WDR7: variants seen among roughly 807,000 people sequenced by gnomAD.
The protein encoded by WDR7 is WD repeat domain 7.
WDR7 carries 46 observed loss-of-function variants against 169.4 expected under a neutral mutation model. The observed-to-expected ratio is 0.27, with a 90% CI of 0.21 to 0.35. The LOEUF (loss-of-function observed/expected upper bound fraction) is 0.35. Among genes scored for constraint, WDR7 ranks in the 10% least tolerant of loss-of-function variants. The pLI, the probability that WDR7 is intolerant of heterozygous loss-of-function variation, is 1.00. For missense variants in WDR7, 1,534 were observed against 1,859.3 expected (o/e 0.83, Z 3.22); for synonymous variants, 612 against 666.8 (o/e 0.92, Z 1.27).
intron 26 of WDR7, among the ~76,000 whole-genome samples, chr18:56,982,061 C>G (rs1039690436): frequency 2.6e-5 from 4 of 152,058 alleles, no homozygotes; most frequent in East Asian, 1.9e-4. Flanking sequence ...TATTCTGAAC[C>G]GTTTTAATAT....
At chr18:56,913,052 T>A (rs1362378765) in intron 21 of WDR7, among the ~76,000 whole-genome samples, 2 of 151,992 alleles carry the variant, frequency 1.3e-5, no homozygotes, top group Non-Finnish European at 2.9e-5. Context: ...TCAAGAATTT[T>A]TTGTAGAGAC....
At chr18:56,882,894 A>T (rs539128621) in intron 21 of WDR7, among the ~76,000 whole-genome samples, 3 of 152,172 alleles carry the variant, frequency 2.0e-5, no homozygotes, top group Non-Finnish European at 4.4e-5. Flanking sequence ...TTTCATTTAG[A>T]ATTTTTCCAT....
At chr18:56,967,953 T>G (rs2047434474) in intron 26 of WDR7, among the ~76,000 whole-genome samples, 1 of 152,238 alleles carries the variant, frequency 6.6e-6, no homozygotes, top group Non-Finnish European at 1.5e-5. Context: ...TAAATGCAGA[T>G]GCAGCCATCC....
Position 56,681,346 on chromosome 18 carries a change from A to T in WDR7, c.300A>T (p.Arg100Ser). The T allele has an allele frequency of 1.3e-6, 2 of 1,595,570 alleles. No homozygotes were observed. Among genetic ancestry groups the T allele is most frequent in the African/African-American group, 1.4e-5 (1 of 73,846 alleles). ...EMCLWDVSDGRCIEFTKLACT... is the reference protein window; with the variant it reads ...EMCLWDVSDGSCIEFTKLACT... Reference sequence around the variant, plus strand: ...GCCTCTGGGATGTGAGTGATGGCAGATGTATTGAATTTACAAAATTAGCTT... The same window carrying T: ...GCCTCTGGGATGTGAGTGATGGCAGTTGTATTGAATTTACAAAATTAGCTT... Residue 100 changes from arginine (R) to serine (S), a missense_variant, in exon 4 of 28, where the codon AGA (arginine) becomes AGT (serine). Coordinates refer to ENST00000254442, the MANE Select transcript of WDR7 (RefSeq NM_015285.3).
At chr18:56,759,886 A>G (rs2043955931) in intron 16 of WDR7, among the ~76,000 whole-genome samples, 1 of 152,088 alleles carries the variant, frequency 6.6e-6, no homozygotes, top group African/African-American at 2.4e-5. Context: ...TTAGCTGATT[A>G]TTTGAGACTT....
chr18:56,930,209 T>A (rs1245768530), intron 22 of WDR7, among the ~76,000 whole-genome samples: 3 of 152,220 alleles, frequency 2.0e-5, no homozygotes, highest in Non-Finnish European at 4.4e-5. Flanking sequence ...CATGCTTTGA[T>A]GACACACAGA....
intron 20 of WDR7, among the ~76,000 whole-genome samples, chr18:56,828,533 A>T (rs888719381): frequency 5.9e-5 from 9 of 152,238 alleles, no homozygotes; most frequent in Non-Finnish European, 1.2e-4. Flanking sequence ...GACAAGACGG[A>T]TATGGTCCAT....
At chr18:56,997,276 G>C (rs1381674361) in intron 26 of WDR7, among the ~76,000 whole-genome samples, 1 of 152,112 alleles carries the variant, frequency 6.6e-6, no homozygotes, top group Non-Finnish European at 1.5e-5. Context: ...GGCAGATATA[G>C]AAAAAAATAA....
At chr18:56,752,686 T>G (rs1447336620) in intron 14 of WDR7, among the ~76,000 whole-genome samples, 1 of 152,224 alleles carries the variant, frequency 6.6e-6, no homozygotes, top group African/African-American at 2.4e-5. Context: ...TAGTGCAAAT[T>G]TATCACATTA....
chr18:56,750,276 A>G (rs960502712), intron 14 of WDR7, among the ~76,000 whole-genome samples: 5 of 152,178 alleles, frequency 3.3e-5, no homozygotes. Context: ...ATCTGTATTT[A>G]AAGTTACAAC....
At chr18:56,684,831 G>GT (rs2025414033) in intron 5 of WDR7, among the ~76,000 whole-genome samples, 1 of 152,180 alleles carries the variant, frequency 6.6e-6, no homozygotes. Flanking sequence ...TCTCAGAGAG[G>GT]TTTTTTATGC....
At chr18:56,802,382 G>A (rs559164864) in intron 19 of WDR7, among the ~76,000 whole-genome samples, 14 of 151,566 alleles carry the variant, frequency 9.2e-5, no homozygotes, top group African/African-American at 3.1e-4. Flanking sequence ...TGGTTTTTGA[G>A]AGTCTCCCTC....
chr18:56,880,116 A>T lies in WDR7; in HGVS notation c.3477A>T (p.Gly1159=). The stretch of plus-strand genomic sequence containing the variant: ...GAAGCTCTAGCCAAATTCCTGAGGG[A>T]TTCGGGTTGACTAGTGGTGGATCCA... ...RPRSSSQIPE[G]FGLTSGGSNY... is the part of the protein sequence containing the mutation. The change falls in exon 21 of 28, where the codon GGA becomes GGT. Residue 1159 remains glycine (G), a synonymous_variant. Coordinates refer to ENST00000254442, the MANE Select transcript of WDR7 (RefSeq NM_015285.3). 4 of 1,614,074 alleles carry T rather than the reference A, an allele frequency of 2.5e-6. No individual in the cohort carries two copies. Among genetic ancestry groups the T allele is most frequent in the Non-Finnish European group, 3.4e-6 (4 of 1,179,964 alleles).
At chr18:56,685,413 G>A (rs1184475187) in intron 5 of WDR7, among the ~76,000 whole-genome samples, 3 of 152,152 alleles carry the variant, frequency 2.0e-5, no homozygotes, top group Admixed American at 2.0e-4. Context: ...GCTTTCCAAT[G>A]CTCATCCTCT....
chr18:56,877,262 GA>G (rs1235524338), intron 20 of WDR7, among the ~76,000 whole-genome samples: 10 of 151,988 alleles, frequency 6.6e-5, no homozygotes, highest in Non-Finnish European at 7.4e-5. Flanking sequence ...TAATCTGCCA[GA>G]AATGACTCAA....
intron 19 of WDR7, among the ~76,000 whole-genome samples, chr18:56,784,174 A>G (rs1472560114): frequency 6.6e-6 from 1 of 152,218 alleles, no homozygotes; most frequent in Non-Finnish European, 1.5e-5. Context: ...AGGAGAGATT[A>G]AAGAATTTTC....
chr18:56,744,324 G>A (rs1405192826), intron 14 of WDR7, among the ~76,000 whole-genome samples: 1 of 151,598 alleles, frequency 6.6e-6, no homozygotes. Context: ...GATAGTGGAT[G>A]GGGATTGAGG....
chr18:56,967,588 A>G (rs1007982092), intron 26 of WDR7, among the ~76,000 whole-genome samples: 1 of 151,458 alleles, frequency 6.6e-6, no homozygotes, highest in Non-Finnish European at 1.5e-5. Flanking sequence ...ACTTGATATC[A>G]TATCTCACTG....
At chr18:56,862,917 C>T (rs1448307539) in intron 20 of WDR7, among the ~76,000 whole-genome samples, 4 of 151,692 alleles carry the variant, frequency 2.6e-5, no homozygotes, top group African/African-American at 9.7e-5. Context: ...TTCAAAATGA[C>T]TATAATTTAG....
Sources: allele counts gnomAD v4.1 joint callset (sites outside exome capture counted in the v4.1 genomes callset), GRCh38; gene constraint gnomAD v4.1.1; transcripts MANE v1.5; gene names NCBI Gene and HGNC (gene_info 2026-07-23, HGNC 2026-07-21).